DCDC1: variants seen among roughly 807,000 people sequenced by gnomAD.
DCDC1 encodes the protein doublecortin domain-containing protein 1.
A neutral mutation model predicts 178.3 loss-of-function variants in DCDC1; 200 were observed. The ratio of observed to expected loss-of-function variants is 1.12; its 90% CI spans 1.00 to 1.26. DCDC1 has a LOEUF of 1.26. DCDC1 is among the 50% of genes most tolerant of loss of function. The pLI, the probability that DCDC1 is intolerant of heterozygous loss-of-function variation, is 0.00. For missense variants in DCDC1, 1,983 were observed against 1,749.2 expected (o/e 1.13, Z -2.38); for synonymous variants, 690 against 604.8 (o/e 1.14, Z -2.07).
intron 9 of DCDC1, among the ~76,000 whole-genome samples, chr11:31,173,800 G>C (rs373860404): frequency 1.2e-4 from 18 of 151,182 alleles, no homozygotes; most frequent in Admixed American, 4.6e-4. Context: ...ATCTTTTTTG[G>C]GTGACAACCC....
intron 12 of DCDC1, among the ~76,000 whole-genome samples, chr11:31,107,414 C>CA (rs1958923919): frequency 6.6e-6 from 1 of 152,112 alleles, no homozygotes; most frequent in East Asian, 1.9e-4. Context: ...GGACAACTGC[C>CA]AAAATTAAAA....
At chr11:30,931,221 TG>T (rs1469895192) in intron 22 of DCDC1, among the ~76,000 whole-genome samples, 1 of 152,090 alleles carries the variant, frequency 6.6e-6, no homozygotes, top group Non-Finnish European at 1.5e-5. Context: ...TATTGGCTAT[TG>T]GGAAAATTTT....
At chr11:31,289,560 G>A (rs890724775) in intron 7 of DCDC1, among the ~76,000 whole-genome samples, 1 of 151,934 alleles carries the variant, frequency 6.6e-6, no homozygotes, top group Non-Finnish European at 1.5e-5. Context: ...CTATTCACCT[G>A]TTTCAAGCAA....
chr11:30,985,398 T>C (rs1950589657), intron 20 of DCDC1, among the ~76,000 whole-genome samples: 1 of 152,218 alleles, frequency 6.6e-6, no homozygotes, highest in African/African-American at 2.4e-5. Flanking sequence ...GATAATCATG[T>C]TAAAACACTG....
chr11:31,173,307 T>C (rs1429581349), intron 9 of DCDC1, among the ~76,000 whole-genome samples: 11 of 152,196 alleles, frequency 7.2e-5, no homozygotes, highest in Admixed American at 4.6e-4. Flanking sequence ...TCATTCACAC[T>C]GGCATGGTAC....
At chr11:31,206,117 A>G (rs1169715125) in intron 9 of DCDC1, among the ~76,000 whole-genome samples, 1 of 152,192 alleles carries the variant, frequency 6.6e-6, no homozygotes, top group Non-Finnish European at 1.5e-5. Flanking sequence ...GCAAATGGAT[A>G]AAGAATCATC....
chr11:31,060,900 A>G (rs550252395), intron 20 of DCDC1, among the ~76,000 whole-genome samples: 23 of 152,140 alleles, frequency 1.5e-4, no homozygotes, highest in Non-Finnish European at 3.1e-4. Context: ...ATTTTAATTG[A>G]AAAAAAGTCA....
chr11:31,006,220 C>G (rs565702078), intron 20 of DCDC1, among the ~76,000 whole-genome samples: 1 of 152,178 alleles, frequency 6.6e-6, no homozygotes, highest in African/African-American at 2.4e-5. Context: ...CTGTAATTAG[C>G]TTGATGACAC....
At chr11:31,218,915 G>A (rs981103243) in intron 9 of DCDC1, among the ~76,000 whole-genome samples, 4 of 152,102 alleles carry the variant, frequency 2.6e-5, no homozygotes, top group African/African-American at 9.7e-5. Flanking sequence ...AAATTAGATG[G>A]CAGAGCATTC....
chr11:31,109,697 C>G (rs1959077635), intron 12 of DCDC1, among the ~76,000 whole-genome samples: 2 of 152,108 alleles, frequency 1.3e-5, no homozygotes, highest in African/African-American at 4.8e-5. Context: ...TGCATAACCC[C>G]AATTTGTAAA....
At chr11:30,954,212 T>TC (rs1263865338) in intron 20 of DCDC1, among the ~76,000 whole-genome samples, 2 of 151,996 alleles carry the variant, frequency 1.3e-5, no homozygotes, top group Non-Finnish European at 2.9e-5. Flanking sequence ...AGACGGGGTT[T>TC]CACCGTGTTA....
intron 9 of DCDC1, among the ~76,000 whole-genome samples, chr11:31,189,351 A>C (rs1969875199): frequency 6.6e-6 from 1 of 152,182 alleles, no homozygotes; most frequent in Non-Finnish European, 1.5e-5. Context: ...AACTTCTGCA[A>C]CCATACTGCT....
intron 20 of DCDC1, among the ~76,000 whole-genome samples, chr11:30,964,272 C>T (rs555297511): frequency 3.9e-5 from 6 of 152,184 alleles, no homozygotes; most frequent in African/African-American, 7.2e-5. Flanking sequence ...AAGTGGTGCA[C>T]GTGAAGATTC....
chr11:31,099,831 G>A lies in DCDC1; in HGVS notation c.1983+2346C>T, dbSNP rs139713448. On this transcript the variant is annotated intron_variant, in intron 15 of 38. Coordinates refer to ENST00000684477, the MANE Select transcript of DCDC1 (RefSeq NM_001387274.1). ...CTTCCCGGGTTCAAGCAATTCTCCT[G>A]CCTCAGCCTCCCAAGTAGCTGGGAC... is the stretch of plus-strand genomic sequence containing the variant. Among the ~76,000 whole-genome samples the A allele has an allele frequency of 1.2e-4, 18 of 150,882 alleles. No homozygotes were observed. The East Asian group carries it at 3.3e-3, about 28-fold the overall frequency.
At chr11:31,125,087 A>AAAC (rs1961404950) in intron 11 of DCDC1, among the ~76,000 whole-genome samples, 1 of 152,090 alleles carries the variant, frequency 6.6e-6, no homozygotes, top group African/African-American at 2.4e-5. Flanking sequence ...TTGCAAGAAA[A>AAAC]AACAACCCCA....
chr11:31,133,140 C>T (rs1962662722), intron 10 of DCDC1, among the ~76,000 whole-genome samples: 1 of 152,188 alleles, frequency 6.6e-6, no homozygotes, highest in African/African-American at 2.4e-5. Flanking sequence ...ATTGTGAATA[C>T]TGTACATTGG....
chr11:31,314,649 G>C (rs1948957674), intron 3 of DCDC1: 1 of 152,064 alleles, frequency 6.6e-6, no homozygotes, highest in Non-Finnish European at 1.5e-5. Context: ...TCTTTTTTGA[G>C]GCCAGGAATA....
chr11:30,958,144 A>G (rs1262451856), intron 20 of DCDC1, among the ~76,000 whole-genome samples: 3 of 152,182 alleles, frequency 2.0e-5, no homozygotes, highest in Admixed American at 6.6e-5. Context: ...GTGGATATAC[A>G]TTGACACATT....
At chr11:31,228,303 C>T (rs1975279922) in intron 9 of DCDC1, among the ~76,000 whole-genome samples, 1 of 151,832 alleles carries the variant, frequency 6.6e-6, no homozygotes, top group African/African-American at 2.4e-5. Context: ...GCAAATTAAA[C>T]AACATATTTC....
Sources: allele counts gnomAD v4.1 joint callset (sites outside exome capture counted in the v4.1 genomes callset), GRCh38; gene constraint gnomAD v4.1.1; transcripts MANE v1.5; gene names NCBI Gene and HGNC (gene_info 2026-07-23, HGNC 2026-07-21).